Variants in ZBBX observed in about 807,000 individuals in gnomAD.
ZBBX encodes zinc finger B-box domain-containing protein 1.
In ZBBX, 101 loss-of-function variants were observed where a neutral mutation model predicts 108.5. The observed-to-expected ratio is 0.93, with a 90% CI of 0.79 to 1.10. The LOEUF is 1.10. Ranked by LOEUF, ZBBX falls within the 50% of genes least tolerant of loss-of-function variation. ZBBX has a pLI of 0.00. For synonymous variants in ZBBX, 356 were observed against 323.4 expected, an observed-to-expected ratio of 1.10 and a Z score of -1.08; for missense variants, 1,009 against 941.4, an observed-to-expected ratio of 1.07 and a Z score of -0.94.
intron 15 of ZBBX, 51 bp from the exon 16 acceptor site, chr3:167,314,167 A>G: frequency 6.7e-7 from 1 of 1,498,748 alleles, no homozygotes; most frequent in Non-Finnish European, 8.9e-7. Context: ...AATGATTTTA[A>G]AAAGAAAATT....
At chr3:167,235,292 G>C (rs996221699), downstream of ZBBX, among the ~76,000 whole-genome samples, 1 of 151,600 alleles carries the variant, frequency 6.6e-6, no homozygotes, top group Middle Eastern at 3.4e-3. Context: ...TCCAGAAGCT[G>C]CTTAAGAATA....
At position 167,389,957 on chromosome 3, in the gene ZBBX, TG is replaced by T. The variant is rs888762733; in HGVS notation, c.-445-9553del. ...ATAGTTTCTTTTGCTGTGCAGAAGCTGTTTAGTTTAATTAAATCCCATTAGT... is the reference window on the plus strand; with the variant it reads ...ATAGTTTCTTTTGCTGTGCAGAAGCTTTTAGTTTAATTAAATCCCATTAGT... On this transcript the variant is annotated intron_variant, in intron 1 of 21. Transcript: ENST00000455345. 8.5e-5 allele frequency among the ~76,000 whole-genome samples: 13 copies of T among 152,316 alleles called. No individual in the cohort carries two copies. The East Asian group carries it at 2.5e-3, about 29-fold the overall frequency.
At chr3:167,354,634 A>C (rs576793575) in intron 8 of ZBBX, among the ~76,000 whole-genome samples, 1 of 152,034 alleles carries the variant, frequency 6.6e-6, no homozygotes. Context: ...TAAAACTATA[A>C]TTTTATATAA....
intron 20 of ZBBX, among the ~76,000 whole-genome samples, chr3:167,251,654 G>T (rs935730723): frequency 1.3e-5 from 2 of 152,072 alleles, no homozygotes; most frequent in Non-Finnish European, 2.9e-5. Flanking sequence ...TGTGTGTGTG[G>T]AGAGAGAGAT....
At chr3:167,270,821 C>G (rs1560050514) in intron 20 of ZBBX, among the ~76,000 whole-genome samples, 1 of 152,192 alleles carries the variant, frequency 6.6e-6, no homozygotes, top group Non-Finnish European at 1.5e-5. Flanking sequence ...ATGATTTAAC[C>G]TTAACTACTG....
At chr3:167,355,173 T>C (rs1170541295) in intron 8 of ZBBX, among the ~76,000 whole-genome samples, 1 of 151,990 alleles carries the variant, frequency 6.6e-6, no homozygotes, top group African/African-American at 2.4e-5. Context: ...CAAATTAATA[T>C]ATAAGAAAAG....
chr3:167,280,411 AAAAC>A (rs1326653678), intron 20 of ZBBX, among the ~76,000 whole-genome samples: 4 of 151,448 alleles, frequency 2.6e-5, no homozygotes, highest in Non-Finnish European at 5.9e-5. Flanking sequence ...TTACAAGAAA[AAAAC>A]AAACAACCCC....
At chr3:167,322,340 T>C (rs1374329995) in intron 11 of ZBBX, 103 bp from the exon 12 acceptor site, 2 of 941,374 alleles carry the variant, frequency 2.1e-6, no homozygotes, top group South Asian at 4.0e-5. Context: ...GCATATATGC[T>C]TTAATATTTA....
In ZBBX at chr3:167,240,868, G is replaced by A; in HGVS notation, c.2445C>T (p.Ser815=). Residue 815 remains serine, a synonymous_variant, in exon 22 of 22, where the codon AGC becomes AGT. Transcript: ENST00000675490. ...KIQSLLSLSE[S]STDEEEEDFL... ...AATCTTCCTCCTCCTCATCTGTACT[G>A]CTCTCAGAAAGTGACAGCAAAGACT... 6.2e-7 allele frequency: 1 copy of A among 1,613,524 alleles called. No homozygotes were observed. The highest frequency in any genetic ancestry group is 8.5e-7 in the Non-Finnish European group (1 of 1,179,590).
intron 20 of ZBBX, among the ~76,000 whole-genome samples, chr3:167,263,205 T>G (rs960048107): frequency 6.6e-6 from 1 of 151,752 alleles, no homozygotes; most frequent in Non-Finnish European, 1.5e-5. Context: ...CCCAACTAAT[T>G]TTTGTACTTT....
At chr3:167,200,188 A>G in the ZBBX span, among the ~76,000 whole-genome samples, 5 of 152,078 alleles carry the variant, frequency 3.3e-5, no homozygotes, top group African/African-American at 1.2e-4. Flanking sequence ...ATTTCCAAAT[A>G]AGGGTCACAT....
the ZBBX span, among the ~76,000 whole-genome samples, chr3:167,182,601 C>T: frequency 1.2e-4 from 19 of 152,250 alleles, no homozygotes; most frequent in African/African-American, 4.6e-4. Context: ...TCACCAACCC[C>T]CAAAAGTTGG....
intron 20 of ZBBX, among the ~76,000 whole-genome samples, chr3:167,276,425 C>T (rs1263800258): frequency 1.3e-5 from 2 of 151,872 alleles, no homozygotes; most frequent in African/African-American, 4.8e-5. Context: ...AACCAAGGCT[C>T]GAAGAGAACT....
intron 20 of ZBBX, among the ~76,000 whole-genome samples, chr3:167,272,421 T>C (rs1213547030): frequency 6.6e-6 from 1 of 152,044 alleles, no homozygotes; most frequent in Non-Finnish European, 1.5e-5. Context: ...AATGCAAACT[T>C]GAGCCAGCCT....
At chr3:167,236,355 C>T (rs1206613722), downstream of ZBBX, among the ~76,000 whole-genome samples, 5 of 151,476 alleles carry the variant, frequency 3.3e-5, no homozygotes, top group African/African-American at 4.8e-5. Context: ...TTTATTTATC[C>T]AACATTAGTT....
chr3:167,182,998 G>A, the ZBBX span, among the ~76,000 whole-genome samples: 1 of 152,162 alleles, frequency 6.6e-6, no homozygotes, highest in Admixed American at 6.5e-5. Flanking sequence ...GGTCGCTCTA[G>A]GCGCTGCCCA....
At chr3:167,254,116 G>A (rs1723069239) in intron 20 of ZBBX, among the ~76,000 whole-genome samples, 1 of 152,150 alleles carries the variant, frequency 6.6e-6, no homozygotes, top group Non-Finnish European at 1.5e-5. Context: ...ATCTTGTAAT[G>A]TGAGCTTCCT....
chr3:167,305,254 T>C (rs966227053), intron 17 of ZBBX, among the ~76,000 whole-genome samples: 1 of 152,164 alleles, frequency 6.6e-6, no homozygotes, highest in East Asian at 1.9e-4. Flanking sequence ...TGGTTCTGTC[T>C]AGATATCTGC....
intron 17 of ZBBX, among the ~76,000 whole-genome samples, chr3:167,304,511 G>A (rs953157284): frequency 3.3e-5 from 5 of 152,096 alleles, no homozygotes; most frequent in Non-Finnish European, 7.4e-5. Context: ...GTGTAAGCAT[G>A]TCCTTTTATA....
Sources: allele counts gnomAD v4.1 joint callset (sites outside exome capture counted in the v4.1 genomes callset), GRCh38; gene constraint gnomAD v4.1.1; transcripts MANE v1.5; gene names NCBI Gene and HGNC (gene_info 2026-07-23, HGNC 2026-07-21).